REEP5: variants seen among roughly 807,000 people sequenced by gnomAD.
The protein encoded by REEP5 is receptor expression-enhancing protein 5.
REEP5 carries 24 observed loss-of-function variants against 22.4 expected under a neutral mutation model. The ratio of observed to expected loss-of-function variants is 1.07; its 90% CI spans 0.78 to 1.51. The LOEUF is 1.51. Ranked by LOEUF, REEP5 falls within the 40% of genes most tolerant of loss-of-function variation. REEP5 has a pLI of 0.00. For synonymous variants in REEP5, 103 were observed against 88.6 expected (o/e 1.16, Z -0.92); for missense variants, 252 against 233.0 (o/e 1.08, Z -0.53).
chr5:112,886,220 C>T (rs1768239453), intron 4 of REEP5, among the ~76,000 whole-genome samples: 1 of 152,210 alleles, frequency 6.6e-6, no homozygotes, highest in South Asian at 2.1e-4. Flanking sequence ...TAGAGAATTC[C>T]CCTATTTACC....
chr5:112,878,668 T>TTA lies in REEP5; in HGVS notation c.*117_*118insTA. ...ACTTACAACACATTCCAATCTTTAA[T>TTA]ATCTCAAAAATGTTTCCAAGGCAAC... On this transcript the variant is annotated 3_prime_UTR_variant, in exon 5 of 5. Coordinates refer to ENST00000379638, the MANE Select transcript of REEP5 (RefSeq NM_005669.5). 1.4e-6 allele frequency: 2 copies of TTA among 1,403,018 alleles called. No homozygotes were observed. The highest frequency in any genetic ancestry group is 2.3e-5 in the Admixed American group (1 of 44,084). 86.9% of individuals were successfully genotyped at this position (1,403,018 alleles called of 1,614,324 possible). A position where few individuals can be genotyped will look rare whatever the true frequency, so the allele number is the denominator to read the frequency against.
intron 4 of REEP5, among the ~76,000 whole-genome samples, chr5:112,883,455 G>A (rs192156160): frequency 1.2e-4 from 19 of 152,204 alleles, no homozygotes; most frequent in Admixed American, 9.8e-4. Flanking sequence ...GATACCACAC[G>A]CTCATGGTTT....
chr5:112,892,551 T>C, intron 3 of REEP5: 1 of 1,614,202 alleles, frequency 6.2e-7, no homozygotes. Flanking sequence ...AGCTGCAATG[T>C]GAATTCTGCC....
chr5:112,899,542 T>C (rs945141095), intron 3 of REEP5, among the ~76,000 whole-genome samples: 1 of 152,240 alleles, frequency 6.6e-6, no homozygotes. Flanking sequence ...ATACTATTAA[T>C]TGAATGAACC....
rs1445266010 is a variant in REEP5, at chr5:112,878,798, C to A, written c.558G>T (p.Lys186Asn). The A allele has an allele frequency of 1.4e-5, 23 of 1,614,020 alleles. No homozygotes were observed. Among genetic ancestry groups the A allele is most frequent in the Non-Finnish European group, 1.8e-5 (21 of 1,180,042 alleles). ...KATVNLLGEE[K>N]KST ...CATCCAGTCTGGTTTAGGTGCTCTT[C>A]TTTTCTTCACCCAGTAAATTCACGG... Residue 186 changes from lysine (K) to asparagine (N), a missense_variant, in exon 5 of 5, where the codon AAG (lysine) becomes AAT (asparagine). Coordinates refer to ENST00000379638, the MANE Select transcript of REEP5 (RefSeq NM_005669.5).
intron 2 of REEP5, among the ~76,000 whole-genome samples, chr5:112,911,039 G>A (rs1167295594): frequency 1.3e-5 from 2 of 152,184 alleles, no homozygotes; most frequent in African/African-American, 4.8e-5. Flanking sequence ...AAACAGAAAA[G>A]GAAATACGGT....
At chr5:112,909,860 A>G (rs1330212825) in intron 2 of REEP5, among the ~76,000 whole-genome samples, 3 of 152,210 alleles carry the variant, frequency 2.0e-5, no homozygotes, top group African/African-American at 7.2e-5. Flanking sequence ...TTGAGCAGAG[A>G]TGATTCTGGG....
At position 112,878,835 on chromosome 5, in the gene REEP5, G is replaced by A. The variant is rs375392001; in HGVS notation, c.521C>T (p.Ala174Val). ...KETADAITKE[A>V]KKATVNLLGE... ...CAGTAAATTCACGGTAGCTTTCTTC[G>A]CTGTTTGTTTGTTAGGAGGGAAAGA... The change falls in exon 5 of 5, where the codon GCG becomes GTG. Residue 174 changes from alanine to valine, a missense_variant and splice_region_variant. Physicochemically the swap from Ala to Val is moderately conservative, Grantham distance 64. Transcript: ENST00000379638. The A allele has an allele frequency of 1.0e-4, 162 of 1,613,858 alleles. No individual in the cohort carries two copies. Among genetic ancestry groups the A allele is most frequent in the Middle Eastern group, 1.6e-4 (1 of 6,062 alleles).
chr5:112,908,483 T>G (rs183138016), intron 2 of REEP5, among the ~76,000 whole-genome samples: 52 of 152,220 alleles, frequency 3.4e-4, no homozygotes, highest in African/African-American at 1.1e-3. Flanking sequence ...AACACTAAAG[T>G]GAACATCAGC....
At chr5:112,892,425 G>T (rs1186741047) in intron 3 of REEP5, 3 of 1,614,098 alleles carry the variant, frequency 1.9e-6, no homozygotes, top group Non-Finnish European at 2.5e-6. Flanking sequence ...TTCAGTTCAA[G>T]GTCAGCTGCA....
intron 2 of REEP5, among the ~76,000 whole-genome samples, chr5:112,913,284 A>T (rs950528256): frequency 1.3e-5 from 2 of 151,232 alleles, no homozygotes; most frequent in African/African-American, 4.9e-5. Flanking sequence ...CAAGAGGGAA[A>T]CTCCATCAAG....
intron 3 of REEP5, among the ~76,000 whole-genome samples, chr5:112,889,992 A>G (rs573908911): frequency 1.3e-5 from 2 of 150,398 alleles, no homozygotes; most frequent in African/African-American, 5.0e-5. Context: ...ATGCCCAGCT[A>G]ATTTTTGTAT....
intron 4 of REEP5, chr5:112,885,418 T>A: frequency 5.2e-6 from 1 of 190,900 alleles, no homozygotes; most frequent in Non-Finnish European, 1.1e-5. Flanking sequence ...AAGACAGCAC[T>A]TGGGGATGGA....
At chr5:112,910,051 G>T (rs754200801) in intron 2 of REEP5, among the ~76,000 whole-genome samples, 3 of 152,104 alleles carry the variant, frequency 2.0e-5, no homozygotes, top group Non-Finnish European at 4.4e-5. Context: ...GCCTGTAATC[G>T]CAGCATTTTG....
chr5:112,889,953 A>G (rs1269348208), intron 3 of REEP5, among the ~76,000 whole-genome samples: 2 of 150,178 alleles, frequency 1.3e-5, no homozygotes, highest in East Asian at 4.1e-4. Context: ...CAGCCTCCCA[A>G]GTAGCTGGGA....
rs551421569 is a variant in REEP5, at chr5:112,884,788, C to G, written c.520+2227G>C. Reference sequence around the variant, plus strand: ...ATCCCTCCAGTCCTTGGCCCCCCCCCATCTTTCTACTTGCTTTATTTTTTC... The same window carrying G: ...ATCCCTCCAGTCCTTGGCCCCCCCCGATCTTTCTACTTGCTTTATTTTTTC... On this transcript the variant is annotated intron_variant, in intron 4 of 4. Transcript: ENST00000379638. Among the ~76,000 whole-genome samples, 45 of 148,546 alleles carry G rather than the reference C, an allele frequency of 3.0e-4. No homozygotes were observed. The East Asian group carries it at 6.1e-3, about 20-fold the overall frequency.
At chr5:112,903,454 G>T (rs762500083) in intron 2 of REEP5, among the ~76,000 whole-genome samples, 2 of 152,120 alleles carry the variant, frequency 1.3e-5, no homozygotes, top group African/African-American at 2.4e-5. Context: ...GGTAGTGAGG[G>T]ATAAAAGACT....
chr5:112,911,006 A>T (rs186301088), intron 2 of REEP5, among the ~76,000 whole-genome samples: 2 of 152,242 alleles, frequency 1.3e-5, no homozygotes, highest in Admixed American at 6.5e-5. Context: ...AAGGGTATCC[A>T]TGTGACACAG....
intron 3 of REEP5, among the ~76,000 whole-genome samples, chr5:112,898,958 A>C (rs1339612457): frequency 6.6e-6 from 1 of 152,230 alleles, no homozygotes; most frequent in Non-Finnish European, 1.5e-5. Context: ...AATATAAAAG[A>C]ATCTATACTG....
Sources: gnomAD v4.1 joint callset for allele counts (sites outside exome capture counted in the v4.1 genomes callset) on GRCh38, gnomAD v4.1.1 for gene constraint, MANE v1.5 for transcripts, NCBI Gene and HGNC (gene_info 2026-07-23, HGNC 2026-07-21) for gene names.